Variants in COL6A3 observed in about 807,000 individuals in gnomAD.
The protein encoded by COL6A3 is collagen type VI alpha 3 chain.
Under a neutral mutation model 274.1 loss-of-function variants are expected in COL6A3, and 137 were observed. The ratio of observed to expected loss-of-function variants is 0.50; its 90% CI spans 0.44 to 0.58. The LOEUF (loss-of-function observed/expected upper bound fraction) is 0.58. Among genes scored for constraint, COL6A3 ranks in the 20% least tolerant of loss-of-function variants. The probability of loss-of-function intolerance (pLI) is 0.00; values close to 1 mark genes in which losing one functional copy is unlikely to be tolerated. For missense variants in COL6A3, 3,950 were observed against 4,124.9 expected (o/e 0.96, Z 1.16); for synonymous variants, 1,650 against 1,650.6 (o/e 1.00, Z 0.01).
intron 36 of COL6A3, chr2:237,342,921 T>G (rs1157388261): frequency 6.6e-6 from 1 of 152,362 alleles, no homozygotes; most frequent in African/African-American, 2.4e-5. Flanking sequence ...ATGGCAGTGA[T>G]GACCCAATGT....
Position 237,353,407 on chromosome 2 carries a change from T to TGA in COL6A3, c.6628-6_6628-5dup. 1 of 1,613,882 alleles carries TGA rather than the reference T, an allele frequency of 6.2e-7. No individual in the cohort carries two copies. ...GGCCAGGACCGCCCTTGTTGCCCTT[T>TGA]GAAATAAGAGAAGATGCAGGGAGGA... On this transcript the variant is annotated splice_region_variant and splice_polypyrimidine_tract_variant and intron_variant, in intron 24 of 43. Coordinates refer to ENST00000295550, the MANE Select transcript of COL6A3 (RefSeq NM_004369.4).
chr2:237,331,357 T>C (rs1246820954), intron 42 of COL6A3, among the ~76,000 whole-genome samples: 1 of 151,822 alleles, frequency 6.6e-6, no homozygotes, highest in Admixed American at 6.6e-5. Flanking sequence ...CCAGGGGAAA[T>C]AGTTAAAATG....
Position 237,396,762 on chromosome 2 carries a change from C to T in COL6A3, c.56G>A (p.Gly19Asp), listed in dbSNP as rs1181810990. 1.9e-6 allele frequency: 3 copies of T among 1,614,026 alleles called. No homozygotes were observed. The highest frequency in any genetic ancestry group is 3.3e-5 in the Admixed American group (2 of 60,008). Residue 19 changes from glycine (G) to aspartate (D), a missense_variant, in exon 2 of 44, where the codon GGC (glycine) becomes GAC (aspartate). Physicochemically the swap from Gly to Asp is moderately conservative, Grantham distance 94. Transcript: ENST00000295550. The stretch of plus-strand genomic sequence containing the variant: ...CTGCTGGGCATGAGTTGTAGGAAAG[C>T]CTGAGAGAAAGAGGCAAAAGACGGC... The part of the protein sequence containing the change: ...LVAVFCLFLS[G>D]FPTTHAQQQQ...
rs1260109563 is a variant in COL6A3 at position 237,377,299 on chromosome 2, A to G, written c.2543T>C (p.Leu848Pro). The G allele has an allele frequency of 6.2e-7, 1 of 1,602,386 alleles. No individual in the cohort carries two copies. Among genetic ancestry groups the G allele is most frequent in the Non-Finnish European group, 8.5e-7 (1 of 1,179,966 alleles). Reference protein sequence around the residue: ...ILFLFDGSANLVGQFPVVRDF... With the variant: ...ILFLFDGSANPVGQFPVVRDF... ...ACGGACAACAGGGAACTGGCCCACA[A>G]GATTGGCTGAGCCGTCAAAGAGGAA... is the stretch of plus-strand genomic sequence containing the variant. The change falls in exon 7 of 44, where the codon CTT becomes CCT. Residue 848 changes from leucine (L) to proline (P), a missense_variant. Around this residue, in one of 5 missense-constraint regions of COL6A3, gnomAD observed 1,934 missense variants for 1,984.3 expected, o/e 0.97. Coordinates refer to ENST00000295550, the MANE Select transcript of COL6A3 (RefSeq NM_004369.4).
chr2:237,395,288 G>T (rs2078409166), intron 2 of COL6A3, 84 bp from the exon 3 acceptor site: 4 of 1,434,424 alleles, frequency 2.8e-6, no homozygotes, highest in Non-Finnish European at 3.9e-6. Flanking sequence ...AAACAAATTT[G>T]GTTTACACTA....
Position 237,341,111 on chromosome 2 carries a change from C to T in COL6A3, c.7805G>A (p.Trp2602Ter). ...TCTCCTGTCCCTGAAGGAAGGCCTCCAACTGCCAAATCCACAGGATGGGTC... is the reference window on the plus strand; with the variant it reads ...TCTCCTGTCCCTGAAGGAAGGCCTCTAACTGCCAAATCCACAGGATGGGTC... ...NIDPSCGFGSWRPSFRDRRAA... is the reference protein window; with the variant it reads ...NIDPSCGFGS Residue 2602 changes from tryptophan to a stop codon, truncating the protein, a stop_gained, in exon 38 of 44, where the codon TGG becomes TAG. Transcript: ENST00000295550. LOFTEE classifies it high-confidence loss of function. 2 of 1,614,184 alleles carry T rather than the reference C, an allele frequency of 1.2e-6. No individual in the cohort carries two copies. The highest frequency in any genetic ancestry group is 1.3e-5 in the African/African-American group (1 of 75,048).
intron 32 of COL6A3, among the ~76,000 whole-genome samples, chr2:237,346,216 T>G (rs900342586): frequency 7.9e-5 from 12 of 152,198 alleles, no homozygotes; most frequent in Admixed American, 7.9e-4. Flanking sequence ...TGGTTTCTCC[T>G]CTACACAAAC....
chr2:237,335,556 G>A (rs932064028), intron 40 of COL6A3, among the ~76,000 whole-genome samples: 2 of 152,194 alleles, frequency 1.3e-5, no homozygotes, highest in African/African-American at 4.8e-5. Context: ...GGGAATGACT[G>A]ATGGTCCAGG....
intron 1 of COL6A3, among the ~76,000 whole-genome samples, chr2:237,403,436 T>C (rs2078642644): frequency 6.6e-6 from 1 of 152,158 alleles, no homozygotes; most frequent in African/African-American, 2.4e-5. Flanking sequence ...CTTGAAGCCA[T>C]GATCTCAGCA....
Position 237,363,381 on chromosome 2 carries a change from G to A in COL6A3, c.5935C>T (p.Leu1979=), listed in dbSNP as rs373458512. Residue 1979 remains leucine (L), a synonymous_variant, in exon 14 of 44, where the codon CTG becomes TTG. Transcript: ENST00000295550. ...TTGACCACTCGTTCAAGGCCCACCA[G>A]GATCAAGGCACGGACTCCTGCAAAG... ...LRQEGVRALI[L]VGLERVVNLE... is the part of the protein sequence containing the mutation. 1 of 1,614,116 alleles carries A rather than the reference G, an allele frequency of 6.2e-7. No homozygotes were observed. The highest frequency in any genetic ancestry group is 8.5e-7 in the Non-Finnish European group (1 of 1,180,034).
In COL6A3 at chr2:237,378,668, C is replaced by T. The variant is rs764957153; in HGVS notation, c.2465G>A (p.Gly822Glu). 1.2e-6 allele frequency: 2 copies of T among 1,613,192 alleles called. No homozygotes were observed. Among genetic ancestry groups the T allele is most frequent in the South Asian group, 1.1e-5 (1 of 91,022 alleles). Reference sequence around the variant, plus strand: ...AGCGAGTGGTACTTCCTCCACACCTCCACTAACATATGTGGTTAGGGGCTG... The same window carrying T: ...AGCGAGTGGTACTTCCTCCACACCTTCACTAACATATGTGGTTAGGGGCTG... Reference protein sequence around the residue: ...LIQPLTTYVSGGVEEVPLAQP... With the variant: ...LIQPLTTYVSEGVEEVPLAQP... The change falls in exon 6 of 44, where the codon GGA (glycine) becomes GAA (glutamate). Residue 822 changes from glycine (G) to glutamate (E), a missense_variant. Gly to Glu is a moderately conservative substitution (Grantham distance 98). Around this residue, in one of 5 missense-constraint regions of COL6A3, gnomAD observed 1,934 missense variants for 1,984.3 expected, o/e 0.97. Transcript: ENST00000295550.
intron 22 of COL6A3, 113 bp from the exon 23 acceptor site, chr2:237,357,504 G>A (rs113510779): frequency 4.1e-5 from 41 of 993,482 alleles, no homozygotes; most frequent in Middle Eastern, 2.7e-4. Context: ...GGAAGAGCCC[G>A]TCTGCAGGAC....
At chr2:237,359,772 G>A (rs2106341877) in intron 17 of COL6A3, among the ~76,000 whole-genome samples, 1 of 152,294 alleles carries the variant, frequency 6.6e-6, no homozygotes, top group African/African-American at 2.4e-5. Flanking sequence ...TTCCCTGACT[G>A]CTCCCACGGT....
At chr2:237,341,914 G>A in intron 37 of COL6A3, 151 bp downstream of exon 37, 1 of 692,442 alleles carries the variant, frequency 1.4e-6, no homozygotes, top group Non-Finnish European at 2.6e-6. Flanking sequence ...AGAAACTGCT[G>A]CAGTAGTATT....
chr2:237,372,333 A>G lies in COL6A3; in HGVS notation c.3684T>C (p.Val1228=). The G allele has an allele frequency of 6.2e-7, 1 of 1,604,580 alleles. No homozygotes were observed. Among genetic ancestry groups the G allele is most frequent in the Non-Finnish European group, 8.5e-7 (1 of 1,179,964 alleles). ...GAAAGACCACGTCCCTCTTGCCACC[A>G]ACACCTGCGAAACAAATGTGAGCAT... ...PVLQPLPSPG[V]GGKRDVVFLI... The change falls in exon 9 of 44, where the codon GTT becomes GTC. Residue 1228 remains valine, a synonymous_variant. Coordinates refer to ENST00000295550, the MANE Select transcript of COL6A3 (RefSeq NM_004369.4).
At chr2:237,350,583 T>C (rs1278161272) in intron 27 of COL6A3, among the ~76,000 whole-genome samples, 1 of 152,192 alleles carries the variant, frequency 6.6e-6, no homozygotes, top group African/African-American at 2.4e-5. Context: ...TGCAGTCTTT[T>C]CGGACTGGTT....
chr2:237,333,855 C>T (rs76014362), intron 41 of COL6A3, among the ~76,000 whole-genome samples: 7 of 152,136 alleles, frequency 4.6e-5, no homozygotes, highest in African/African-American at 1.7e-4. Context: ...GGTCTTTGGA[C>T]TCATATCTCT....
intron 6 of COL6A3, 35 bp downstream of exon 6, chr2:237,378,601 A>C (rs1466153485): frequency 6.2e-7 from 1 of 1,611,962 alleles, no homozygotes; most frequent in Non-Finnish European, 8.5e-7. Context: ...TGTCTGAGGA[A>C]GGAGAGGGAG....
chr2:237,358,884 G>C (rs574445624), intron 20 of COL6A3, 151 bp downstream of exon 20: 1 of 843,538 alleles, frequency 1.2e-6, no homozygotes, highest in South Asian at 1.4e-5. Flanking sequence ...TCAGAGCTGA[G>C]AGGGGATGTA....
Sources: allele counts gnomAD v4.1 joint callset (sites outside exome capture counted in the v4.1 genomes callset), GRCh38; gene constraint gnomAD v4.1.1; regional missense constraint gnomAD v4.1.1; transcripts MANE v1.5; gene names NCBI Gene and HGNC (gene_info 2026-07-23, HGNC 2026-07-21).